BNC2: variants seen among roughly 807,000 people sequenced by gnomAD.
BNC2 encodes basonuclin zinc finger protein 2, also known as zinc finger protein basonuclin-2.
BNC2 carries 20 observed loss-of-function variants against 76.3 expected under a neutral mutation model. That is an observed-to-expected ratio of 0.26 (90% CI 0.18 to 0.38). The LOEUF is 0.38. Ranked by LOEUF, BNC2 falls within the 10% of genes least tolerant of loss-of-function variation. The pLI is 1.00. For missense variants in BNC2, 1,382 were observed against 1,399.8 expected (o/e 0.99, Z 0.20); for synonymous variants, 582 against 514.8 (o/e 1.13, Z -1.77).
At chr9:16,469,198 A>G (rs563839371) in intron 5 of BNC2, among the ~76,000 whole-genome samples, 73,904 of 151,950 alleles carry the variant, frequency 0.49, 18,477 homozygotes, top group African/African-American at 0.6. Flanking sequence ...GAAAAAGTGA[A>G]CATGCTCTCA....
At position 16,635,327 on chromosome 9, in the gene BNC2, T is replaced by C. The variant is rs144888314; in HGVS notation, c.331-52242A>G. 4.4e-3 allele frequency among the ~76,000 whole-genome samples: 667 copies of C among 152,350 alleles called. 7 individuals carry two copies. The highest frequency in any genetic ancestry group is 5.3e-3 in the Non-Finnish European group (358 of 68,028). On this transcript the variant is annotated intron_variant, in intron 3 of 6. Coordinates refer to ENST00000380672, the MANE Select transcript of BNC2 (RefSeq NM_017637.6). ...TAACAGTGCTCCTGCATAAACATAC[T>C]TGTTTGTGGAAATTACTGATTTTGT...
intron 5 of BNC2, among the ~76,000 whole-genome samples, chr9:16,501,232 A>T (rs1352522138): frequency 1.3e-5 from 2 of 152,214 alleles, no homozygotes; most frequent in African/African-American, 2.4e-5. Context: ...TTAGCCTTTC[A>T]AACATTCTTC....
At chr9:16,487,480 C>A (rs1822190577) in intron 5 of BNC2, among the ~76,000 whole-genome samples, 1 of 152,198 alleles carries the variant, frequency 6.6e-6, no homozygotes. Context: ...TATTACAGTA[C>A]TGCACAGTGG....
At chr9:16,844,077 T>C (rs145128885) in intron 1 of BNC2, among the ~76,000 whole-genome samples, 168 of 152,106 alleles carry the variant, frequency 1.1e-3, no homozygotes, top group Admixed American at 2.6e-3. Context: ...CTGGGCAACA[T>C]AGTGAGTCAC....
At chr9:16,766,005 T>C (rs1000138041) in intron 1 of BNC2, among the ~76,000 whole-genome samples, 1 of 152,106 alleles carries the variant, frequency 6.6e-6, no homozygotes, top group Non-Finnish European at 1.5e-5. Flanking sequence ...GCCAGGATGT[T>C]CTCGATCTCC....
At chr9:16,536,267 A>C (rs988467003) in intron 5 of BNC2, among the ~76,000 whole-genome samples, 1 of 152,206 alleles carries the variant, frequency 6.6e-6, no homozygotes, top group South Asian at 2.1e-4. Context: ...AGACAATTCT[A>C]TATTTCAGAA....
chr9:16,582,116 C>T (rs920921014), intron 4 of BNC2, among the ~76,000 whole-genome samples: 6 of 152,070 alleles, frequency 3.9e-5, no homozygotes, highest in Non-Finnish European at 7.4e-5. Flanking sequence ...AGAATATGTC[C>T]ACTTAAGAGG....
chr9:16,660,308 A>G (rs546346274), intron 3 of BNC2, among the ~76,000 whole-genome samples: 21 of 152,126 alleles, frequency 1.4e-4, no homozygotes, highest in African/African-American at 5.1e-4. Context: ...TACAAAATTA[A>G]CCAGGCGTGG....
intron 3 of BNC2, chr9:16,665,252 C>A: frequency 2.8e-6 from 1 of 360,594 alleles, no homozygotes; most frequent in Non-Finnish European, 5.4e-6. Context: ...TGCCTGTAAT[C>A]CCAGCTACTC....
chr9:16,809,615 T>C (rs1050520863), intron 1 of BNC2, among the ~76,000 whole-genome samples: 1 of 152,052 alleles, frequency 6.6e-6, no homozygotes, highest in Admixed American at 6.5e-5. Context: ...GAATGCGTTG[T>C]AATGTACTGA....
intron 6 of BNC2, chr9:16,429,848 T>G: frequency 2.2e-6 from 1 of 457,290 alleles, no homozygotes; most frequent in South Asian, 1.6e-5. Flanking sequence ...AGTGGAGGAG[T>G]GAAAGGTCAG....
intron 1 of BNC2, among the ~76,000 whole-genome samples, chr9:16,793,272 C>T (rs1382764191): frequency 5.3e-5 from 8 of 152,038 alleles, no homozygotes; most frequent in Non-Finnish European, 8.8e-5. Flanking sequence ...AATCCAAAGC[C>T]GAAATCAGTT....
intron 3 of BNC2, among the ~76,000 whole-genome samples, chr9:16,726,478 G>GTT (rs139722544): frequency 3.1e-4 from 41 of 132,216 alleles, no homozygotes; most frequent in Admixed American, 1.0e-3. Flanking sequence ...CTGGCAAATT[G>GTT]TTTTTTTTTT....
chr9:16,662,581 C>A (rs538390666), intron 3 of BNC2, among the ~76,000 whole-genome samples: 2 of 152,192 alleles, frequency 1.3e-5, no homozygotes, highest in South Asian at 4.1e-4. Context: ...ACTAAACATA[C>A]AAAAATTAGC....
intron 6 of BNC2, chr9:16,429,568 A>G (rs932611165): frequency 5.4e-6 from 1 of 184,126 alleles, no homozygotes; most frequent in African/African-American, 2.4e-5. Context: ...TTCTGCTCAG[A>G]TATTTTGGCC....
intron 3 of BNC2, among the ~76,000 whole-genome samples, chr9:16,722,458 CATAAA>C (rs1824186352): frequency 1.3e-5 from 2 of 152,106 alleles, no homozygotes; most frequent in Admixed American, 6.5e-5. Context: ...AATATACACT[CATAAA>C]TATAATTATA....
At chr9:16,814,756 A>G (rs1363717253) in intron 1 of BNC2, among the ~76,000 whole-genome samples, 2 of 152,188 alleles carry the variant, frequency 1.3e-5, no homozygotes, top group Non-Finnish European at 1.5e-5. Context: ...GCCAAATGCC[A>G]CACCCACCAA....
At chr9:16,468,634 T>C (rs1204456957) in intron 5 of BNC2, among the ~76,000 whole-genome samples, 1 of 152,042 alleles carries the variant, frequency 6.6e-6, no homozygotes, top group Admixed American at 6.6e-5. Context: ...GACCTCATGA[T>C]CCCACCTCGG....
intron 5 of BNC2, among the ~76,000 whole-genome samples, chr9:16,524,217 A>G (rs535393651): frequency 6.6e-6 from 1 of 152,324 alleles, no homozygotes; most frequent in African/African-American, 2.4e-5. Flanking sequence ...CCCCTTTGAA[A>G]CTGCTACCAG....
Sources: gnomAD v4.1 joint callset for allele counts (sites outside exome capture counted in the v4.1 genomes callset) on GRCh38, gnomAD v4.1.1 for gene constraint, MANE v1.5 for transcripts, NCBI Gene and HGNC (gene_info 2026-07-23, HGNC 2026-07-21) for gene names.